Variants in TEX11 observed in about 807,000 individuals in gnomAD.
TEX11 encodes the protein testis expressed 11, also known as testis-expressed protein 11.
TEX11 carries 7 observed loss-of-function variants against 84.4 expected under a neutral mutation model. That is an observed-to-expected ratio of 0.08 (90% CI 0.05 to 0.16). TEX11 has a LOEUF of 0.16. TEX11 is among the 10% of genes least tolerant of loss of function. The pLI, the probability that TEX11 is intolerant of heterozygous loss-of-function variation, is 1.00. For synonymous variants in TEX11, 264 were observed against 222.8 expected (o/e 1.18, Z -1.64); for missense variants, 551 against 660.5 (o/e 0.83, Z 1.82).
At chrX:70,856,221 G>A (rs1220455808) in intron 5 of TEX11, among the ~76,000 whole-genome samples, 1 of 111,161 alleles carries the variant, frequency 9.0e-6, no homozygotes, top group East Asian at 2.8e-4. Context: ...TTTCTATGGA[G>A]TAATCCCTAG....
chrX:70,525,307 C>T (rs184617272), downstream of TEX11, among the ~76,000 whole-genome samples: 2 of 111,665 alleles, frequency 1.8e-5, no homozygotes, highest in East Asian at 5.6e-4. Context: ...CCAGGCAGGC[C>T]AGGTACAGTG....
chrX:70,771,677 T>C lies in TEX11; in HGVS notation c.693-27458A>G, dbSNP rs1454250493. On this transcript the variant is annotated intron_variant, in intron 9 of 29. Coordinates refer to ENST00000374333, the MANE Select transcript of TEX11 (RefSeq NM_031276.3). ...AGATTTTATGACAACCACAAATAAC[T>C]TTTTTAATAAGCAAAGAAGTTTTAA... 2.7e-5 allele frequency among the ~76,000 whole-genome samples: 3 copies of C among 112,642 alleles called. No individual in the cohort carries two copies. In the East Asian group the frequency reaches 8.3e-4, roughly 31 times the overall value.
chrX:70,665,192 C>A (rs2089966974), intron 16 of TEX11, among the ~76,000 whole-genome samples: 1 of 111,097 alleles, frequency 9.0e-6, no homozygotes, highest in Admixed American at 9.6e-5. Context: ...GAGGATGGGA[C>A]TTCTGTACTG....
At chrX:70,633,304 T>C (rs143749986) in intron 17 of TEX11, among the ~76,000 whole-genome samples, 1,369 of 111,812 alleles carry the variant, frequency 0.012, 8 homozygotes, top group Non-Finnish European at 0.02. Flanking sequence ...TTTTTAAAAA[T>C]TGACCATTTC....
intron 11 of TEX11, among the ~76,000 whole-genome samples, chrX:70,727,193 C>G (rs961417636): frequency 9.0e-6 from 1 of 111,363 alleles, no homozygotes; most frequent in Admixed American, 9.5e-5. Context: ...CTCTCTGACT[C>G]TAAAGGACAT....
chrX:70,697,616 C>A (rs1038191236), intron 13 of TEX11, among the ~76,000 whole-genome samples: 1 of 111,819 alleles, frequency 8.9e-6, no homozygotes, highest in African/African-American at 3.2e-5. Flanking sequence ...GGAATACTAA[C>A]CTTATGTAAA....
chrX:70,767,891 A>G (rs773050614), intron 9 of TEX11, among the ~76,000 whole-genome samples: 53 of 111,709 alleles, frequency 4.7e-4, no homozygotes, highest in Non-Finnish European at 9.0e-4. Flanking sequence ...CAAACATCAC[A>G]TGTTCTCACT....
intron 16 of TEX11, among the ~76,000 whole-genome samples, chrX:70,656,641 C>T (rs2089869420): frequency 9.0e-6 from 1 of 110,922 alleles, no homozygotes; most frequent in Admixed American, 9.6e-5. Context: ...AGCTACAAGA[C>T]CTGCATTATG....
intron 24 of TEX11, among the ~76,000 whole-genome samples, chrX:70,593,671 T>C (rs1160091835): frequency 8.9e-6 from 1 of 111,750 alleles, no homozygotes; most frequent in East Asian, 2.8e-4. Context: ...AAAATGAATC[T>C]CAATAAAAGG....
At chrX:70,682,924 T>A in intron 13 of TEX11, 99 bp from the exon 14 acceptor site, 1 of 776,954 alleles carries the variant, frequency 1.3e-6, no homozygotes, top group African/African-American at 2.1e-5. Context: ...ATAAGCCAGA[T>A]AAAAGCATAT....
chrX:70,785,265 C>A (rs1192669765), intron 9 of TEX11, among the ~76,000 whole-genome samples: 7 of 111,978 alleles, frequency 6.3e-5, no homozygotes, highest in African/African-American at 2.3e-4. Context: ...GGAAAACTGG[C>A]TAGCCATATG....
chrX:70,840,337 A>G (rs187183620), intron 7 of TEX11, among the ~76,000 whole-genome samples: 4 of 111,765 alleles, frequency 3.6e-5, no homozygotes, highest in Admixed American at 9.5e-5. Context: ...ACATTCTTAA[A>G]GGGAAGAATT....
intron 25 of TEX11, among the ~76,000 whole-genome samples, chrX:70,591,412 C>A (rs189503677): frequency 5.5e-5 from 6 of 109,181 alleles, no homozygotes; most frequent in Non-Finnish European, 9.5e-5. Context: ...ACCAGCCTGG[C>A]CAACATGGTG....
rs779923309 is a variant in TEX11 at position 70,733,736 on chromosome X, G to C, written c.843+6965C>G. Among the ~76,000 whole-genome samples the C allele has an allele frequency of 2.5e-4, 28 of 111,894 alleles. No individual in the cohort carries two copies. The South Asian group carries it at 9.8e-3, about 39-fold the overall frequency. ...GTAAACTAGTTCAACCATTGTGGAA[G>C]TCAGTGTGGCGATTCCTCAGGGATC... On this transcript the variant is annotated intron_variant, in intron 11 of 29. Transcript: ENST00000374333.
intron 28 of TEX11, among the ~76,000 whole-genome samples, chrX:70,547,691 G>A (rs1424067593): frequency 8.9e-6 from 1 of 112,243 alleles, no homozygotes; most frequent in Non-Finnish European, 1.9e-5. Flanking sequence ...CTGGCCATCA[G>A]AGAAATGCAA....
intron 15 of TEX11, 88 bp downstream of exon 15, chrX:70,678,716 T>C (rs2090097613): frequency 1.5e-6 from 1 of 674,273 alleles, no homozygotes; most frequent in South Asian, 2.6e-5. Context: ...ATTATTGAAG[T>C]ATTTGATGCT....
intron 15 of TEX11, among the ~76,000 whole-genome samples, chrX:70,674,803 AT>A (rs901782063): frequency 6.5e-5 from 7 of 108,064 alleles, no homozygotes; most frequent in Non-Finnish European, 9.6e-5. Context: ...ACTTAATGTG[AT>A]TTTTTTTTCA....
chrX:70,807,866 G>C (rs1045581254), intron 8 of TEX11, among the ~76,000 whole-genome samples: 1 of 110,027 alleles, frequency 9.1e-6, no homozygotes, highest in Non-Finnish European at 1.9e-5. Flanking sequence ...CGCTTTGAGA[G>C]ACCAAGACAG....
At position 70,868,878 on chromosome X, in the gene TEX11, G is replaced by A. The variant is rs182232584; in HGVS notation, c.244+4345C>T. Among the ~76,000 whole-genome samples the A allele has an allele frequency of 6.1e-3, 660 of 108,433 alleles. 2 individuals carry two copies. Among genetic ancestry groups the A allele is most frequent in the African/African-American group, 0.022 (636 of 29,503 alleles). The allele number at this position is 108,433 out of a possible 115,157, so 94.2% of individuals were successfully genotyped here. A position where few individuals can be genotyped will look rare whatever the true frequency, so the allele number is the denominator to read the frequency against. On this transcript the variant is annotated intron_variant, in intron 4 of 29. Coordinates refer to ENST00000374333, the MANE Select transcript of TEX11 (RefSeq NM_031276.3). Reference sequence around the variant, plus strand: ...ACATCACATACCCGGGCCTGTCAGCGGGTGGGGGCAAAGGGAGGGAGAGCA... The same window carrying A: ...ACATCACATACCCGGGCCTGTCAGCAGGTGGGGGCAAAGGGAGGGAGAGCA...
Sources: gnomAD v4.1 joint callset for allele counts (sites outside exome capture counted in the v4.1 genomes callset) on GRCh38, gnomAD v4.1.1 for gene constraint, MANE v1.5 for transcripts, NCBI Gene and HGNC (gene_info 2026-07-23, HGNC 2026-07-21) for gene names.